PPP1R12B: variants seen among roughly 807,000 people sequenced by gnomAD.
PPP1R12B encodes protein phosphatase 1 regulatory subunit 12B, also known as myosin phosphatase target subunit 2.
PPP1R12B carries 76 observed loss-of-function variants against 126.1 expected under a neutral mutation model. The observed-to-expected ratio is 0.60, with a 90% confidence interval of 0.50 to 0.73. The LOEUF is 0.73. Ranked by LOEUF, PPP1R12B falls within the 30% of genes least tolerant of loss-of-function variation. PPP1R12B has a pLI of 0.00. For synonymous variants in PPP1R12B, 356 were observed against 434.7 expected (o/e 0.82, Z 2.25); for missense variants, 1,052 against 1,205.1 (o/e 0.87, Z 1.88).
intron 18 of PPP1R12B, among the ~76,000 whole-genome samples, chr1:202,503,247 C>G (rs1415557004): frequency 6.6e-6 from 1 of 152,104 alleles, no homozygotes; most frequent in Non-Finnish European, 1.5e-5. Context: ...TCTTGGATAT[C>G]AGGTGAGAAA....
At chr1:202,426,971 T>C in intron 4 of PPP1R12B, 69 bp from the exon 5 acceptor site, 1 of 1,558,578 alleles carries the variant, frequency 6.4e-7, no homozygotes, top group Non-Finnish European at 8.6e-7. Flanking sequence ...ATCAATTAGG[T>C]AATAGTGTAT....
At position 202,591,679 on chromosome 1, in the gene PPP1R12B, C is replaced by G. The variant is rs1690124832; in HGVS notation, c.*11119C>G. 1 of 152,338 alleles carries G rather than the reference C, an allele frequency of 6.6e-6. No homozygotes were observed. Among genetic ancestry groups the G allele is most frequent in the Non-Finnish European group, 1.5e-5 (1 of 68,196 alleles). The allele number at this position is 152,338 out of a possible 1,614,324, so 9.4% of individuals were successfully genotyped here. On this transcript the variant is annotated 3_prime_UTR_variant, in exon 24 of 24. Transcript: ENST00000608999. ...AGGATGCACGAGGGAAGAGCGTCAG[C>G]CCCTGTATTCACCGGCCTCTCCCTG...
At chr1:202,439,023 A>G (rs1671237513) in intron 10 of PPP1R12B, 3 of 1,382,086 alleles carry the variant, frequency 2.2e-6, no homozygotes, top group Admixed American at 1.7e-5. Context: ...GGCAGTGCCC[A>G]CTACCAGTGG....
At chr1:202,366,386 G>A (rs567227027) in intron 1 of PPP1R12B, among the ~76,000 whole-genome samples, 1 of 152,148 alleles carries the variant, frequency 6.6e-6, no homozygotes, top group South Asian at 2.1e-4. Flanking sequence ...AAGCATGGTG[G>A]CACATGCCTG....
intron 1 of PPP1R12B, among the ~76,000 whole-genome samples, chr1:202,387,432 G>T (rs1337111106): frequency 6.6e-6 from 1 of 152,188 alleles, no homozygotes; most frequent in African/African-American, 2.4e-5. Flanking sequence ...AGCCTAAGGA[G>T]TGAGGTCTCT....
intron 18 of PPP1R12B, among the ~76,000 whole-genome samples, chr1:202,555,360 T>C (rs543952563): frequency 6.0e-5 from 4 of 66,554 alleles, no homozygotes; most frequent in African/African-American, 1.6e-4. Flanking sequence ...AAAAGCTTGT[T>C]TCGTCACCAT....
Position 202,580,600 on chromosome 1 carries a change from T to A in PPP1R12B, c.*40T>A. On this transcript the variant is annotated 3_prime_UTR_variant, in exon 24 of 24. Transcript: ENST00000608999. Reference sequence around the variant, plus strand: ...TTATGAGGAAAGAAAGGGACAGCATTTGCTGCCCCCACCCCTCTTTTCCAG... The same window carrying A: ...TTATGAGGAAAGAAAGGGACAGCATATGCTGCCCCCACCCCTCTTTTCCAG... The A allele has an allele frequency of 3.3e-6, 5 of 1,495,422 alleles. No homozygotes were observed. The highest frequency in any genetic ancestry group is 4.7e-6 in the Non-Finnish European group (5 of 1,071,956). The allele number at this position is 1,495,422 out of a possible 1,614,324, so 92.6% of individuals were successfully genotyped here.
chr1:202,483,298 G>C lies in PPP1R12B; in HGVS notation c.1851-5235G>C, dbSNP rs375615061. Among the ~76,000 whole-genome samples the C allele has an allele frequency of 5.2e-3, 80 of 15,274 alleles. 1 individual carries two copies. The highest frequency in any genetic ancestry group is 0.011 in the Non-Finnish European group (73 of 6,604). The allele number at this position is 15,274 out of a possible 152,430, so 10.0% of individuals were successfully genotyped here. A position where few individuals can be genotyped will look rare whatever the true frequency, so the allele number is the denominator to read the frequency against. On this transcript the variant is annotated intron_variant, in intron 13 of 23. Coordinates refer to ENST00000608999, the MANE Select transcript of PPP1R12B (RefSeq NM_002481.4). ...AACACCTTTTTTTTTTTTTTTTTTT[G>C]ACATGGAGTCTTGCTCTGTCGCCCA...
At chr1:202,541,680 C>G (rs978250015) in intron 18 of PPP1R12B, among the ~76,000 whole-genome samples, 1 of 152,200 alleles carries the variant, frequency 6.6e-6, no homozygotes, top group African/African-American at 2.4e-5. Flanking sequence ...CCATAGCTCC[C>G]AGAGCAATGT....
chr1:202,488,935 C>T (rs1051504256), intron 14 of PPP1R12B, among the ~76,000 whole-genome samples: 2 of 152,096 alleles, frequency 1.3e-5, no homozygotes, highest in East Asian at 1.9e-4. Flanking sequence ...TTCAGTTACT[C>T]GGGAGGATGA....
At position 202,488,621 on chromosome 1, in the gene PPP1R12B, C is replaced by T; in HGVS notation, c.1939C>T (p.Gln647Ter). ...AGCTCGGCAGACACGAAGGTCTACT[C>T]AAGTGAGTGTGGCTTTTTTTAAAAT... ...RQARQTRRST[Q>*]GVTLTDLQEA... The change falls in exon 14 of 24, where the codon CAA (glutamine) becomes TAA (stop). Residue 647 changes from glutamine (Q) to a stop codon, truncating the protein, a stop_gained and splice_region_variant. Transcript: ENST00000608999. LOFTEE classifies it high-confidence loss of function. The T allele has an allele frequency of 3.1e-6, 5 of 1,605,780 alleles. No homozygotes were observed. The highest frequency in any genetic ancestry group is 4.3e-6 in the Non-Finnish European group (5 of 1,174,232).
chr1:202,426,503 A>G (rs1208849490), intron 4 of PPP1R12B, among the ~76,000 whole-genome samples: 7 of 152,210 alleles, frequency 4.6e-5, no homozygotes, highest in Non-Finnish European at 8.8e-5. Context: ...ATATGTGGGT[A>G]TATGGTAAAT....
At chr1:202,437,553 G>A (rs947595789) in intron 9 of PPP1R12B, among the ~76,000 whole-genome samples, 10 of 152,124 alleles carry the variant, frequency 6.6e-5, no homozygotes, top group African/African-American at 2.2e-4. Context: ...CACAGAGATA[G>A]CAAATTTCTC....
At chr1:202,406,448 A>G (rs1311106232) in intron 1 of PPP1R12B, among the ~76,000 whole-genome samples, 1 of 152,360 alleles carries the variant, frequency 6.6e-6, no homozygotes, top group Non-Finnish European at 1.5e-5. Context: ...TTTACACTGT[A>G]TATACTAAAA....
rs186419942 is a variant in PPP1R12B at position 202,432,872 on chromosome 1, T to C, written c.1141+1253T>C. Among the ~76,000 whole-genome samples, 65 of 152,316 alleles carry C rather than the reference T, an allele frequency of 4.3e-4. No homozygotes were observed. In the East Asian group the frequency reaches 0.011, roughly 25 times the overall value. Reference sequence around the variant, plus strand: ...GGCTGGCCTACCTATAATGAAGATATTTAACTTACTCTGTTGTCTGGCCAC... The same window carrying C: ...GGCTGGCCTACCTATAATGAAGATACTTAACTTACTCTGTTGTCTGGCCAC... On this transcript the variant is annotated intron_variant, in intron 8 of 23. Coordinates refer to ENST00000608999, the MANE Select transcript of PPP1R12B (RefSeq NM_002481.4).
intron 1 of PPP1R12B, among the ~76,000 whole-genome samples, chr1:202,363,668 G>C (rs182316020): frequency 6.6e-6 from 1 of 152,124 alleles, no homozygotes; most frequent in African/African-American, 2.4e-5. Context: ...TCAGATATGC[G>C]TTTGTTTTAT....
chr1:202,566,949 G>C (rs1383559946), intron 21 of PPP1R12B, among the ~76,000 whole-genome samples: 1 of 152,152 alleles, frequency 6.6e-6, no homozygotes, highest in African/African-American at 2.4e-5. Context: ...AAATTCTGCT[G>C]AGTTCTATGA....
chr1:202,414,290 G>A (rs1667784312), intron 1 of PPP1R12B, among the ~76,000 whole-genome samples: 1 of 152,194 alleles, frequency 6.6e-6, no homozygotes, highest in Admixed American at 6.5e-5. Context: ...TGTTCATGCA[G>A]TGTGGAAACT....
chr1:202,368,931 G>A (rs984074536), intron 1 of PPP1R12B, among the ~76,000 whole-genome samples: 3 of 152,082 alleles, frequency 2.0e-5, no homozygotes, highest in Non-Finnish European at 4.4e-5. Flanking sequence ...GTCTCTCTAT[G>A]TGGTCCAACT....
Sources: gnomAD v4.1 joint callset for allele counts (sites outside exome capture counted in the v4.1 genomes callset) on GRCh38, gnomAD v4.1.1 for gene constraint, MANE v1.5 for transcripts, NCBI Gene and HGNC (gene_info 2026-07-23, HGNC 2026-07-21) for gene names.